ANKRD28: variants seen among roughly 807,000 people sequenced by gnomAD.
ANKRD28 encodes serine/threonine-protein phosphatase 6 regulatory ankyrin repeat subunit A.
Under a neutral mutation model 126.5 loss-of-function variants are expected in ANKRD28, and 44 were observed. The ratio of observed to expected loss-of-function variants is 0.35; its 90% confidence interval spans 0.27 to 0.45. The LOEUF (loss-of-function observed/expected upper bound fraction) is 0.45, where lower values mean the gene tolerates loss of function less well. ANKRD28 is among the 20% of genes least tolerant of loss of function. The pLI is 1.00. For synonymous variants in ANKRD28, 442 were observed against 468.5 expected (o/e 0.94, Z 0.73); for missense variants, 1,110 against 1,316.6 (o/e 0.84, Z 2.43).
In ANKRD28 at chr3:15,815,744, A is replaced by G. The variant is rs1444143308; in HGVS notation, c.28-20438T>C. Among the ~76,000 whole-genome samples the G allele has an allele frequency of 6.6e-6, 1 of 152,240 alleles. No individual in the cohort carries two copies. Among genetic ancestry groups the G allele is most frequent in the Non-Finnish European group, 1.5e-5 (1 of 68,034 alleles). Reference sequence around the variant, plus strand: ...TTGGATAGTTGGAGGAAGGTCAGCTATAGTTCTAAACATAAAAATCTGTTA... The same window carrying G: ...TTGGATAGTTGGAGGAAGGTCAGCTGTAGTTCTAAACATAAAAATCTGTTA... On this transcript the variant is annotated intron_variant, in intron 1 of 27. Coordinates refer to the ANKRD28 transcript ENST00000399451. This position sits in a 1 kb window ranked among gnomAD's most constrained non-coding sequence, Gnocchi z 4.1.
intron 18 of ANKRD28, 197 bp downstream of exon 18, chr3:15,689,822 G>A: frequency 3.5e-6 from 2 of 565,178 alleles, no homozygotes; most frequent in Non-Finnish European, 6.2e-6. Flanking sequence ...TACTCCTAAT[G>A]TTTATGAATG....
Position 15,667,662 on chromosome 3 carries a change from T to C in ANKRD28, c.*2608A>G, listed in dbSNP as rs546609143. On this transcript the variant is annotated 3_prime_UTR_variant, in exon 28 of 28. Coordinates refer to ENST00000683139, the MANE Select transcript of ANKRD28 (RefSeq NM_001349278.2). Reference sequence around the variant, plus strand: ...TTCAAATACCATTTGAGACAGTACTTTGGGGTTTCCCTTCATTGGGTGCAG... The same window carrying C: ...TTCAAATACCATTTGAGACAGTACTCTGGGGTTTCCCTTCATTGGGTGCAG... The C allele has an allele frequency of 1.3e-5, 2 of 152,322 alleles. No individual in the cohort carries two copies. Among genetic ancestry groups the C allele is most frequent in the East Asian group, 3.9e-4 (2 of 5,182 alleles). 9.4% of individuals were successfully genotyped at this position (152,322 alleles called of 1,614,324 possible). A position where few individuals can be genotyped will look rare whatever the true frequency, so the allele number is the denominator to read the frequency against.
chr3:15,779,815 CCTATTCT>C (rs897301493), intron 2 of ANKRD28, among the ~76,000 whole-genome samples: 16 of 152,122 alleles, frequency 1.1e-4, no homozygotes, highest in African/African-American at 3.9e-4. Context: ...CAGACAGCAT[CCTATTCT>C]AAGTACTGAA....
intron 1 of ANKRD28, among the ~76,000 whole-genome samples, chr3:15,857,355 G>T (rs2061796133): frequency 6.6e-6 from 1 of 152,122 alleles, no homozygotes; most frequent in South Asian, 2.1e-4. Flanking sequence ...TGCAACCTCC[G>T]CTCACTGCAA....
At chr3:15,670,693 T>C in intron 27 of ANKRD28, 137 bp from the exon 28 acceptor site, 3 of 918,254 alleles carry the variant, frequency 3.3e-6, no homozygotes, top group Non-Finnish European at 4.8e-6. Context: ...GTAACCAGCA[T>C]GATTCGCAAG....
chr3:15,721,528 C>T (rs770611854), intron 7 of ANKRD28, among the ~76,000 whole-genome samples: 5 of 152,056 alleles, frequency 3.3e-5, no homozygotes, highest in Non-Finnish European at 7.4e-5. Context: ...GTAACATGCA[C>T]ATTTTCATCT....
chr3:15,741,025 C>T (rs544884157), intron 4 of ANKRD28, among the ~76,000 whole-genome samples: 1 of 152,128 alleles, frequency 6.6e-6, no homozygotes, highest in African/African-American at 2.4e-5. Context: ...AGGGTGAAAC[C>T]CCGTCTCTAC....
intron 1 of ANKRD28, among the ~76,000 whole-genome samples, chr3:15,806,964 G>C (rs1164847424): frequency 6.6e-6 from 1 of 152,058 alleles, no homozygotes; most frequent in Non-Finnish European, 1.5e-5. Flanking sequence ...TTAAACAAAG[G>C]GATTATCATC....
rs757875847 is a variant in ANKRD28 at position 15,812,648 on chromosome 3, TA to T, written c.28-17343del. 2.6e-5 allele frequency among the ~76,000 whole-genome samples: 4 copies of T among 152,244 alleles called. No individual in the cohort carries two copies. The highest frequency in any genetic ancestry group is 5.9e-5 in the Non-Finnish European group (4 of 68,044). On this transcript the variant is annotated intron_variant, in intron 1 of 27. Coordinates refer to the ANKRD28 transcript ENST00000399451. This position sits in a 1 kb window ranked among gnomAD's most constrained non-coding sequence, Gnocchi z 4.1. ...TGCTCGTTTGGGAACAGAATTAGGA[TA>T]GGGGCATTGTTAAAATTCATCTAAA...
intron 15 of ANKRD28, 66 bp downstream of exon 15, chr3:15,696,068 C>A: frequency 9.1e-7 from 1 of 1,102,774 alleles, no homozygotes; most frequent in South Asian, 1.5e-5. Context: ...CATTTATTCT[C>A]ATTTTTGTTA....
chr3:15,765,139 C>T (rs1415619434), intron 3 of ANKRD28, among the ~76,000 whole-genome samples: 1 of 152,122 alleles, frequency 6.6e-6, no homozygotes, highest in Non-Finnish European at 1.5e-5. Context: ...TATATCCTTT[C>T]CCAATAAATA....
intron 6 of ANKRD28, among the ~76,000 whole-genome samples, chr3:15,730,624 C>A (rs948692203): frequency 1.3e-5 from 2 of 152,168 alleles, no homozygotes; most frequent in Non-Finnish European, 2.9e-5. Context: ...TTCTTACTTT[C>A]ACATATTTAA....
intron 1 of ANKRD28, among the ~76,000 whole-genome samples, chr3:15,822,209 TG>T: frequency 6.6e-6 from 1 of 152,306 alleles, no homozygotes; most frequent in Admixed American, 6.5e-5. Flanking sequence ...AGGACAGAAC[TG>T]TAAGAAGCTT....
At chr3:15,851,397 A>G in intron 1 of ANKRD28, among the ~76,000 whole-genome samples, 1 of 152,078 alleles carries the variant, frequency 6.6e-6, no homozygotes, top group Non-Finnish European at 1.5e-5. Context: ...AAAAAAAATT[A>G]GCTGTGAATA....
rs1378050533 is a variant in ANKRD28 at position 15,817,677 on chromosome 3, T to C, written c.28-22371A>G. On this transcript the variant is annotated intron_variant, in intron 1 of 27. Transcript: ENST00000399451. The surrounding 1 kb of genome is among the most constrained non-coding windows in gnomAD (Gnocchi z 4.5). ...ACTGAGATTTATATATTTAAATAAA[T>C]ATAAAATTACCAGGAAACCACTAAT... is the stretch of plus-strand genomic sequence containing the variant. 2.0e-5 allele frequency among the ~76,000 whole-genome samples: 3 copies of C among 152,110 alleles called. No homozygotes were observed. The highest frequency in any genetic ancestry group is 1.5e-5 in the Non-Finnish European group (1 of 68,030).
chr3:15,692,483 A>G (rs1315736090), intron 17 of ANKRD28, among the ~76,000 whole-genome samples: 2 of 152,208 alleles, frequency 1.3e-5, no homozygotes, highest in Non-Finnish European at 2.9e-5. Flanking sequence ...ATAAAAATGA[A>G]AAGACAAGAG....
intron 3 of ANKRD28, among the ~76,000 whole-genome samples, chr3:15,761,345 C>T (rs561127527): frequency 6.0e-4 from 92 of 152,122 alleles, no homozygotes; most frequent in Non-Finnish European, 1.1e-3. Flanking sequence ...AATTTTGTTG[C>T]CTATATTTCT....
rs1490799805 is a variant in ANKRD28, at chr3:15,846,396, A to G, written c.27+12981T>C. The stretch of plus-strand genomic sequence containing the variant: ...TCTCACATCCAGGGCACACTGATGC[A>G]AGAGGTGAGCTCTCAAGGCCTTGGG... On this transcript the variant is annotated intron_variant, in intron 1 of 27. Coordinates refer to the ANKRD28 transcript ENST00000399451. The surrounding 1 kb of genome is among the most constrained non-coding windows in gnomAD (Gnocchi z 5.4). 1.3e-5 allele frequency among the ~76,000 whole-genome samples: 2 copies of G among 152,228 alleles called. No individual in the cohort carries two copies. Among genetic ancestry groups the G allele is most frequent in the Non-Finnish European group, 2.9e-5 (2 of 68,044 alleles).
chr3:15,745,643 G>A (rs2057426794), intron 4 of ANKRD28, among the ~76,000 whole-genome samples: 1 of 152,156 alleles, frequency 6.6e-6, no homozygotes, highest in Admixed American at 6.5e-5. Context: ...CAGGTAATGT[G>A]ATGCCTCCAG....
Sources: gnomAD v4.1 joint callset for allele counts (sites outside exome capture counted in the v4.1 genomes callset) on GRCh38, gnomAD v4.1.1 for gene constraint, Gnocchi (gnomAD v3.1) non-coding constraint, MANE v1.5 for transcripts, NCBI Gene and HGNC (gene_info 2026-07-23, HGNC 2026-07-21) for gene names.